The following OSTF1 variants were observed in gnomAD, a reference collection of about 807,000 sequenced individuals.
The protein encoded by OSTF1 is osteoclast stimulating factor 1.
OSTF1 carries 27 observed loss-of-function variants against 37.2 expected under a neutral mutation model. That is an observed-to-expected ratio of 0.73 (90% CI 0.54 to 1.00). The LOEUF (loss-of-function observed/expected upper bound fraction) is 1.00. Ranked by LOEUF, OSTF1 falls within the 50% of genes least tolerant of loss-of-function variation. The probability of loss-of-function intolerance (pLI) is 0.00; values close to 1 mark genes in which losing one functional copy is unlikely to be tolerated. For synonymous variants in OSTF1, 82 were observed against 89.2 expected, an observed-to-expected ratio of 0.92 and a Z score of 0.46; for missense variants, 232 against 253.8, an observed-to-expected ratio of 0.91 and a Z score of 0.58.
At chr9:75,136,346 A>G (rs1339975418) in intron 7 of OSTF1, among the ~76,000 whole-genome samples, 7 of 152,114 alleles carry the variant, frequency 4.6e-5, no homozygotes, top group Admixed American at 4.6e-4. Context: ...GGTCTTTACT[A>G]AAATATTGTA....
At chr9:75,110,861 C>G (rs1302588913) in intron 1 of OSTF1, among the ~76,000 whole-genome samples, 1 of 151,912 alleles carries the variant, frequency 6.6e-6, no homozygotes, top group Non-Finnish European at 1.5e-5. Flanking sequence ...TGGGTGTGTA[C>G]CAACCGCAAC....
chr9:75,146,943 G>T lies in OSTF1; in HGVS notation c.*202G>T. ...GTGACTGGATTCTTGGCACATTTAT[G>T]TTCACCAAAGTAGAACAAGAAGATA... On this transcript the variant is annotated 3_prime_UTR_variant, in exon 10 of 10. Transcript: ENST00000346234. 1 of 355,792 alleles carries T rather than the reference G, an allele frequency of 2.8e-6. No homozygotes were observed. The highest frequency in any genetic ancestry group is 5.0e-6 in the Non-Finnish European group (1 of 200,070). The allele number at this position is 355,792 out of a possible 1,614,324, so 22.0% of individuals were successfully genotyped here.
Position 75,133,339 on chromosome 9 carries a change from T to C in OSTF1, c.296T>C (p.Val99Ala). ...LRECLDNRVG[V>A]NGLDKAGSTA... ...GAGTGTTTGGACAACAGAGTGGGTGTTAATGGCTTAGACAAAGCTGGAAGC... is the reference window on the plus strand; with the variant it reads ...GAGTGTTTGGACAACAGAGTGGGTGCTAATGGCTTAGACAAAGCTGGAAGC... The change falls in exon 6 of 10, where the codon GTT becomes GCT. Residue 99 changes from valine (V) to alanine (A), a missense_variant. Transcript: ENST00000346234. The C allele has an allele frequency of 1.2e-6, 2 of 1,613,362 alleles. No individual in the cohort carries two copies. The highest frequency in any genetic ancestry group is 1.7e-6 in the Non-Finnish European group (2 of 1,179,378).
intron 1 of OSTF1, among the ~76,000 whole-genome samples, chr9:75,105,437 A>G (rs1364532726): frequency 6.6e-6 from 1 of 152,242 alleles, no homozygotes; most frequent in Non-Finnish European, 1.5e-5. Context: ...GCTGTGCTCC[A>G]ATAAATCTTT....
chr9:75,140,255 A>G (rs1274150025), intron 8 of OSTF1, among the ~76,000 whole-genome samples: 1 of 152,224 alleles, frequency 6.6e-6, no homozygotes, highest in Non-Finnish European at 1.5e-5. Flanking sequence ...AAGGAATGAA[A>G]TGGGACTTGT....
At chr9:75,110,256 T>C (rs1374596226) in intron 1 of OSTF1, among the ~76,000 whole-genome samples, 1 of 152,198 alleles carries the variant, frequency 6.6e-6, no homozygotes, top group Non-Finnish European at 1.5e-5. Flanking sequence ...TTTTCAACTG[T>C]ACCTCCCCCA....
At chr9:75,115,799 A>C (rs775943157) in intron 1 of OSTF1, among the ~76,000 whole-genome samples, 2 of 152,052 alleles carry the variant, frequency 1.3e-5, no homozygotes, top group Non-Finnish European at 1.5e-5. Flanking sequence ...TATTCAGGAA[A>C]AATACTAAAA....
At chr9:75,133,965 C>T (rs1261521405) in intron 6 of OSTF1, among the ~76,000 whole-genome samples, 2 of 152,028 alleles carry the variant, frequency 1.3e-5, no homozygotes, top group Admixed American at 6.5e-5. Flanking sequence ...AACTCAACAA[C>T]AATAAGAAAT....
chr9:75,108,242 A>C (rs1343956919), intron 1 of OSTF1, among the ~76,000 whole-genome samples: 1 of 145,252 alleles, frequency 6.9e-6, no homozygotes, highest in Non-Finnish European at 1.5e-5. Flanking sequence ...TAAATAAATA[A>C]ATTAATTAAT....
At chr9:75,120,459 A>G (rs779840223) in intron 2 of OSTF1, among the ~76,000 whole-genome samples, 8 of 152,110 alleles carry the variant, frequency 5.3e-5, no homozygotes, top group Non-Finnish European at 1.0e-4. Context: ...CCACTCAATG[A>G]ATAGACCATT....
At chr9:75,145,149 A>G (rs1426493900) in intron 9 of OSTF1, among the ~76,000 whole-genome samples, 1 of 65,738 alleles carries the variant, frequency 1.5e-5, no homozygotes, top group Non-Finnish European at 3.1e-5. Context: ...CTATCTATCT[A>G]TCTATCTATC....
At chr9:75,145,442 T>C (rs1399080202) in intron 9 of OSTF1, among the ~76,000 whole-genome samples, 2 of 152,212 alleles carry the variant, frequency 1.3e-5, no homozygotes, top group Non-Finnish European at 2.9e-5. Flanking sequence ...GTTGTCACTC[T>C]TCCTGTGATG....
chr9:75,099,139 T>C lies in OSTF1; in HGVS notation c.34+10413T>C, dbSNP rs558914337. Among the ~76,000 whole-genome samples the C allele has an allele frequency of 3.3e-5, 5 of 152,278 alleles. No individual in the cohort carries two copies. In the South Asian group the frequency reaches 1.0e-3, roughly 32 times the overall value. On this transcript the variant is annotated intron_variant, in intron 1 of 9. Transcript: ENST00000346234. ...TTATAGTAGAAATGGGGTTTCATCA[T>C]GTTGGCCAGGCTGGTCTCGAACTCC...
intron 1 of OSTF1, among the ~76,000 whole-genome samples, chr9:75,103,584 C>T (rs1304193672): frequency 6.6e-6 from 1 of 152,082 alleles, no homozygotes; most frequent in Non-Finnish European, 1.5e-5. Flanking sequence ...TAAGTATATA[C>T]CCCAGAAGCT....
At chr9:75,109,006 A>T (rs1825338309) in intron 1 of OSTF1, among the ~76,000 whole-genome samples, 1 of 151,832 alleles carries the variant, frequency 6.6e-6, no homozygotes, top group Non-Finnish European at 1.5e-5. Context: ...TTTTTTGGAT[A>T]AAATCTCAGG....
intron 1 of OSTF1, among the ~76,000 whole-genome samples, chr9:75,093,756 G>T (rs1334031785): frequency 1.3e-5 from 2 of 152,102 alleles, no homozygotes; most frequent in East Asian, 3.8e-4. Context: ...CCCAACAAAG[G>T]AATTAATCAA....
intron 3 of OSTF1, among the ~76,000 whole-genome samples, chr9:75,130,052 C>T (rs1378983934): frequency 1.3e-5 from 2 of 151,968 alleles, no homozygotes; most frequent in East Asian, 3.9e-4. Context: ...GTCATGGGGG[C>T]ATATATGAAA....
In OSTF1 at chr9:75,137,554, C is replaced by T; in HGVS notation, c.425C>T (p.Thr142Ile). 6.2e-7 allele frequency: 1 copy of T among 1,610,678 alleles called. No homozygotes were observed. The highest frequency in any genetic ancestry group is 1.1e-5 in the South Asian group (1 of 91,008). The change falls in exon 8 of 10, where the codon ACA becomes ATA. Residue 142 changes from threonine (T) to isoleucine (I), a missense_variant. Transcript: ENST00000346234. ...TCACTATAGAACAAGTTGGGAGATA[C>T]AGCTTTGCATGCTGCTGCCTGGAAG... Reference protein sequence around the residue: ...ELNQQNKLGDTALHAAAWKGY... With the variant: ...ELNQQNKLGDIALHAAAWKGY...
intron 1 of OSTF1, among the ~76,000 whole-genome samples, chr9:75,116,279 A>G (rs546061202): frequency 6.6e-6 from 1 of 152,280 alleles, no homozygotes; most frequent in African/African-American, 2.4e-5. Flanking sequence ...AAGGTCTTGA[A>G]CATCCATGGA....
Sources: gnomAD v4.1 joint callset for allele counts (sites outside exome capture counted in the v4.1 genomes callset) on GRCh38, gnomAD v4.1.1 for gene constraint, MANE v1.5 for transcripts, NCBI Gene and HGNC (gene_info 2026-07-23, HGNC 2026-07-21) for gene names.